The following PRKG1 variants were observed in gnomAD, a reference collection of about 807,000 sequenced individuals.
PRKG1 encodes the protein protein kinase cGMP-dependent 1.
Under a neutral mutation model 88.1 loss-of-function variants are expected in PRKG1, and 35 were observed. The ratio of observed to expected loss-of-function variants is 0.40; its 90% CI spans 0.30 to 0.53. The LOEUF is 0.53. Among genes scored for constraint, PRKG1 ranks in the 20% least tolerant of loss-of-function variants. The probability of loss-of-function intolerance (pLI) is 0.59; values close to 1 mark genes in which losing one functional copy is unlikely to be tolerated. For synonymous variants in PRKG1, 303 were observed against 292.5 expected, an observed-to-expected ratio of 1.04 and a Z score of -0.37; for missense variants, 540 against 839.8, an observed-to-expected ratio of 0.64 and a Z score of 4.41.
At chr10:51,841,463 T>G (rs914490015) in intron 4 of PRKG1, among the ~76,000 whole-genome samples, 1 of 152,154 alleles carries the variant, frequency 6.6e-6, no homozygotes, top group African/African-American at 2.4e-5. Flanking sequence ...CCTGGACTTG[T>G]GGAATATGGG....
At chr10:51,105,682 A>G (rs1409381307) in intron 1 of PRKG1, among the ~76,000 whole-genome samples, 2 of 151,538 alleles carry the variant, frequency 1.3e-5, no homozygotes, top group South Asian at 2.1e-4. Flanking sequence ...ACACATAGAC[A>G]TTAAAATTTT....
chr10:52,089,730 A>G (rs1455886813), intron 7 of PRKG1, among the ~76,000 whole-genome samples: 1 of 151,208 alleles, frequency 6.6e-6, no homozygotes, highest in Non-Finnish European at 1.5e-5. Flanking sequence ...TGTTCACTTA[A>G]GGGCCTAGAA....
chr10:51,361,340 G>C (rs1489824895), intron 2 of PRKG1, among the ~76,000 whole-genome samples: 1 of 151,740 alleles, frequency 6.6e-6, no homozygotes, highest in Non-Finnish European at 1.5e-5. Flanking sequence ...GATTATACTC[G>C]CTTGGCATTT....
At chr10:51,156,709 T>C (rs1386686436) in intron 2 of PRKG1, among the ~76,000 whole-genome samples, 1 of 152,086 alleles carries the variant, frequency 6.6e-6, no homozygotes, top group East Asian at 1.9e-4. Context: ...AATAGCCTTA[T>C]GTCAAAATAA....
At chr10:51,583,335 G>A (rs955720) in intron 3 of PRKG1, among the ~76,000 whole-genome samples, 5,920 of 152,098 alleles carry the variant, frequency 0.039, 251 homozygotes, top group Admixed American at 0.13. Context: ...ATTCTCTGTC[G>A]ATGAAATATT....
intron 2 of PRKG1, among the ~76,000 whole-genome samples, chr10:51,419,531 G>T (rs539088691): frequency 5.3e-4 from 81 of 152,244 alleles, no homozygotes; most frequent in East Asian, 3.1e-3. Context: ...TGGAGATGAG[G>T]TTTCCCTAAA....
chr10:51,506,171 C>A (rs1334731588), intron 3 of PRKG1, among the ~76,000 whole-genome samples: 1 of 152,178 alleles, frequency 6.6e-6, no homozygotes, highest in East Asian at 1.9e-4. Context: ...GGATTAAAGA[C>A]TTAAATGTTA....
chr10:51,009,025 G>C (rs1464950695), intron 1 of PRKG1, among the ~76,000 whole-genome samples: 1 of 152,030 alleles, frequency 6.6e-6, no homozygotes, highest in African/African-American at 2.4e-5. Context: ...TGGTTCTCTT[G>C]TTTTCATGGT....
chr10:51,308,181 G>T (rs150632152), intron 2 of PRKG1, among the ~76,000 whole-genome samples: 1 of 151,850 alleles, frequency 6.6e-6, no homozygotes, highest in South Asian at 2.1e-4. Flanking sequence ...CCATTTTTTC[G>T]CTTTATTACA....
chr10:52,271,522 A>C (rs1841730179), intron 11 of PRKG1, 33 bp downstream of exon 11: 1 of 1,596,772 alleles, frequency 6.3e-7, no homozygotes, highest in Non-Finnish European at 8.5e-7. Flanking sequence ...AGACGTACCC[A>C]ACTCCAAGTG....
At chr10:51,724,691 C>T (rs1321730009) in intron 3 of PRKG1, among the ~76,000 whole-genome samples, 1 of 151,776 alleles carries the variant, frequency 6.6e-6, no homozygotes, top group East Asian at 1.9e-4. Context: ...TGCCTGGCTT[C>T]ATTCATGGGT....
chr10:51,433,161 T>C (rs1316871203), intron 2 of PRKG1, among the ~76,000 whole-genome samples: 1 of 152,110 alleles, frequency 6.6e-6, no homozygotes, highest in Admixed American at 6.6e-5. Flanking sequence ...TGAAATTAGA[T>C]GGATCCCTGG....
intron 3 of PRKG1, among the ~76,000 whole-genome samples, chr10:51,493,992 T>A (rs1374727702): frequency 6.6e-6 from 1 of 152,214 alleles, no homozygotes; most frequent in Non-Finnish European, 1.5e-5. Flanking sequence ...CAGTTCATAC[T>A]GTAGCTATTT....
chr10:51,116,206 T>G (rs1331375594), intron 1 of PRKG1, among the ~76,000 whole-genome samples: 6 of 152,210 alleles, frequency 3.9e-5, no homozygotes, highest in Non-Finnish European at 1.5e-5. Flanking sequence ...GCATCAATAA[T>G]GTGGCATTAT....
intron 2 of PRKG1, among the ~76,000 whole-genome samples, chr10:51,357,870 A>G (rs983776078): frequency 2.0e-5 from 3 of 151,998 alleles, no homozygotes; most frequent in African/African-American, 4.8e-5. Context: ...GAAATAAAAT[A>G]TAACCCATGC....
chr10:51,494,480 C>T (rs1326256), intron 3 of PRKG1, among the ~76,000 whole-genome samples: 47,631 of 152,034 alleles, frequency 0.31, 7,901 homozygotes, highest in Admixed American at 0.41. Context: ...TTTAGGAAAA[C>T]TTAATGTAGA....
chr10:51,159,087 G>A (rs1014932819), intron 2 of PRKG1, among the ~76,000 whole-genome samples: 9 of 152,020 alleles, frequency 5.9e-5, no homozygotes, highest in African/African-American at 1.9e-4. Context: ...GCTAGCCACC[G>A]TCGACAGTAA....
At chr10:51,858,905 T>G (rs960826794) in intron 4 of PRKG1, among the ~76,000 whole-genome samples, 3 of 152,144 alleles carry the variant, frequency 2.0e-5, no homozygotes, top group African/African-American at 7.2e-5. Flanking sequence ...ACAGTTTTTC[T>G]CCTGGACCCA....
At chr10:52,100,599 C>T (rs982065163) in intron 7 of PRKG1, among the ~76,000 whole-genome samples, 3 of 152,182 alleles carry the variant, frequency 2.0e-5, no homozygotes, top group African/African-American at 7.2e-5. Flanking sequence ...ACCTTGACAA[C>T]TATGCAAGTT....
Sources: allele counts gnomAD v4.1 joint callset (sites outside exome capture counted in the v4.1 genomes callset), GRCh38; gene constraint gnomAD v4.1.1; transcripts MANE v1.5; gene names NCBI Gene and HGNC (gene_info 2026-07-23, HGNC 2026-07-21).